Variants in PYY observed in about 807,000 individuals in gnomAD.
PYY encodes the protein peptide tyrosine tyrosine.
PYY carries 12 observed loss-of-function variants against 10.3 expected under a neutral mutation model. The observed-to-expected ratio is 1.17, with a 90% CI of 0.75 to 1.89. PYY has a LOEUF of 1.89. PYY is among the 40% of genes most tolerant of loss of function. The probability of loss-of-function intolerance (pLI) is 0.00; values close to 1 mark genes in which losing one functional copy is unlikely to be tolerated. For synonymous variants in PYY, 66 were observed against 62.0 expected (o/e 1.06, Z -0.30); for missense variants, 141 against 134.0 (o/e 1.05, Z -0.26).
At chr17:43,964,854 C>T (rs1335172029) in intron 2 of PYY, among the ~76,000 whole-genome samples, 2 of 152,122 alleles carry the variant, frequency 1.3e-5, no homozygotes, top group Non-Finnish European at 2.9e-5. Flanking sequence ...GGTGCCAGTC[C>T]GTATTTATTC....
intron 1 of PYY, among the ~76,000 whole-genome samples, chr17:43,989,252 T>A (rs1490129595): frequency 6.6e-6 from 1 of 151,944 alleles, no homozygotes; most frequent in Non-Finnish European, 1.5e-5. Flanking sequence ...CGGGCGCCTG[T>A]AGTCCCAGCT....
At chr17:43,972,710 T>C (rs2048803443) in intron 1 of PYY, among the ~76,000 whole-genome samples, 1 of 151,634 alleles carries the variant, frequency 6.6e-6, no homozygotes, top group African/African-American at 2.4e-5. Context: ...TATTAGTATT[T>C]ATTTTTGGTT....
chr17:43,979,617 A>G (rs1452502765), intron 1 of PYY, among the ~76,000 whole-genome samples: 3 of 152,064 alleles, frequency 2.0e-5, no homozygotes, highest in Admixed American at 2.0e-4. Flanking sequence ...GATGAAGGCT[A>G]TGGTGAGCTA....
intron 1 of PYY, among the ~76,000 whole-genome samples, chr17:43,996,686 T>C (rs2048994275): frequency 6.6e-6 from 1 of 152,028 alleles, no homozygotes; most frequent in South Asian, 2.1e-4. Flanking sequence ...TGTTGGTTTG[T>C]TTATTTGTTC....
At chr17:43,999,694 G>A (rs1311312308) in intron 1 of PYY, among the ~76,000 whole-genome samples, 2 of 151,956 alleles carry the variant, frequency 1.3e-5, no homozygotes, top group Admixed American at 1.3e-4. Flanking sequence ...CTTGAACCCA[G>A]GAGGCAGAGG....
chr17:43,975,055 C>G (rs1318551116), intron 1 of PYY, among the ~76,000 whole-genome samples: 1 of 152,080 alleles, frequency 6.6e-6, no homozygotes, highest in Non-Finnish European at 1.5e-5. Context: ...GCCATTTCGC[C>G]CACACATCAC....
intron 2 of PYY, among the ~76,000 whole-genome samples, chr17:43,963,617 A>AGAAAGAAAGAAAGAAG (rs2048732472): frequency 1.3e-5 from 1 of 77,572 alleles, no homozygotes; most frequent in Admixed American, 1.3e-4. Context: ...AAAGAAAGAA[A>AGAAAGAAAGAAAGAAG]GAAAGAAAGA....
At chr17:43,965,412 CA>C (rs2048747220) in intron 2 of PYY, among the ~76,000 whole-genome samples, 1 of 150,710 alleles carries the variant, frequency 6.6e-6, no homozygotes, top group African/African-American at 2.5e-5. Context: ...ACCCAGGAAG[CA>C]GAGGTTGCAG....
rs549216889 is a variant in PYY, at chr17:43,993,248, C to T, written c.-463+11143G>A. On this transcript the variant is annotated intron_variant, in intron 1 of 6. Coordinates refer to the PYY transcript ENST00000360085. The stretch of plus-strand genomic sequence containing the variant: ...GGCCAAGGCGGGTGGATCACGAGGT[C>T]AGGAGATCGAGACCAACCTGGCTAA... Among the ~76,000 whole-genome samples, 349 of 152,090 alleles carry T rather than the reference C, an allele frequency of 2.3e-3. 2 individuals carry two copies. Among genetic ancestry groups the T allele is most frequent in the African/African-American group, 7.8e-3 (325 of 41,474 alleles).
intron 2 of PYY, among the ~76,000 whole-genome samples, chr17:43,962,372 T>G (rs2048717935): frequency 6.6e-6 from 1 of 152,010 alleles, no homozygotes; most frequent in Non-Finnish European, 1.5e-5. Context: ...GTGTACAATG[T>G]GATGATTTGA....
intron 1 of PYY, among the ~76,000 whole-genome samples, chr17:44,001,121 T>C (rs913622058): frequency 2.0e-5 from 3 of 152,190 alleles, no homozygotes; most frequent in African/African-American, 4.8e-5. Flanking sequence ...GGAGCTGTGA[T>C]GTGGTACTGT....
Position 43,970,143 on chromosome 17 carries a change from G to A in PYY, c.-462-3611C>T, listed in dbSNP as rs906334463. Reference sequence around the variant, plus strand: ...TTAAACCCAGGAGTGTGAGGTTACCGTGAGCCATGATCACACCACTGTACT... The same window carrying A: ...TTAAACCCAGGAGTGTGAGGTTACCATGAGCCATGATCACACCACTGTACT... On this transcript the variant is annotated intron_variant, in intron 1 of 6. Coordinates refer to the PYY transcript ENST00000360085. Among the ~76,000 whole-genome samples, 9 of 146,304 alleles carry A rather than the reference G, an allele frequency of 6.2e-5. No homozygotes were observed. The South Asian group carries it at 1.3e-3, about 22-fold the overall frequency.
intron 1 of PYY, among the ~76,000 whole-genome samples, chr17:43,981,752 T>A (rs1452635981): frequency 6.6e-6 from 1 of 152,200 alleles, no homozygotes; most frequent in Non-Finnish European, 1.5e-5. Flanking sequence ...CCTCCGAAAG[T>A]GCTGGCATTA....
intron 1 of PYY, among the ~76,000 whole-genome samples, chr17:44,000,625 G>A (rs534447762): frequency 7.0e-6 from 1 of 142,810 alleles, no homozygotes; most frequent in South Asian, 2.2e-4. Context: ...GGAGTGCAGT[G>A]GTGTGATCTT....
chr17:43,999,260 T>C (rs1203409380), intron 1 of PYY, among the ~76,000 whole-genome samples: 1 of 151,802 alleles, frequency 6.6e-6, no homozygotes, highest in Non-Finnish European at 1.5e-5. Flanking sequence ...ACCTTGACAG[T>C]GACTCTGGTA....
intron 1 of PYY, among the ~76,000 whole-genome samples, chr17:44,002,325 C>G (rs2049033948): frequency 6.6e-6 from 1 of 152,188 alleles, no homozygotes; most frequent in South Asian, 2.1e-4. Flanking sequence ...CCCAAAAAGG[C>G]AGAGCCCCAG....
rs1440189473 is a variant in PYY, at chr17:43,953,000, G to A, written c.270-20C>T. ...TCCGACCTGCGGAAGCGAAGGGGAA[G>A]GAATTGGATCTGGGGAGGCGAGCCT... On this transcript the variant is annotated intron_variant, in intron 3 of 3. Coordinates refer to ENST00000692052, the MANE Select transcript of PYY (RefSeq NM_001394028.1). 6.4e-7 allele frequency: 1 copy of A among 1,573,700 alleles called. No individual in the cohort carries two copies. Among genetic ancestry groups the A allele is most frequent in the South Asian group, 1.2e-5 (1 of 85,430 alleles).
rs560269618 is a variant in PYY, at chr17:43,962,112, A to C, written c.-217-4084T>G. 3.9e-5 allele frequency among the ~76,000 whole-genome samples: 6 copies of C among 152,266 alleles called. No individual in the cohort carries two copies. The South Asian group carries it at 1.0e-3, about 26-fold the overall frequency. On this transcript the variant is annotated intron_variant, in intron 2 of 6. Coordinates refer to the PYY transcript ENST00000360085. ...TAGCTGAGTATATGGCTTCCCAGCTAATCACTACATTTCCCAGTCTCCCTT... is the reference window on the plus strand; with the variant it reads ...TAGCTGAGTATATGGCTTCCCAGCTCATCACTACATTTCCCAGTCTCCCTT...
intron 1 of PYY, among the ~76,000 whole-genome samples, chr17:43,983,013 C>T (rs892568340): frequency 6.6e-6 from 1 of 152,088 alleles, no homozygotes; most frequent in African/African-American, 2.4e-5. Flanking sequence ...GGGCGAATCA[C>T]CTGAGATTGG....
Sources: allele counts gnomAD v4.1 joint callset (sites outside exome capture counted in the v4.1 genomes callset), GRCh38; gene constraint gnomAD v4.1.1; transcripts MANE v1.5; gene names NCBI Gene and HGNC (gene_info 2026-07-23, HGNC 2026-07-21).